Variants in ABR observed in about 807,000 individuals in gnomAD.
ABR encodes the protein ABR activator of RhoGEF and GTPase.
A neutral mutation model predicts 107.2 loss-of-function variants in ABR; 35 were observed. That is an observed-to-expected ratio of 0.33 (90% CI 0.25 to 0.43). ABR has a LOEUF of 0.43. ABR is among the 20% of genes least tolerant of loss of function. The probability of loss-of-function intolerance (pLI) is 1.00; values close to 1 mark genes in which losing one functional copy is unlikely to be tolerated. For synonymous variants in ABR, 498 were observed against 462.0 expected, an observed-to-expected ratio of 1.08 and a Z score of -1.00; for missense variants, 815 against 1,115.2, an observed-to-expected ratio of 0.73 and a Z score of 3.83.
chr17:1,139,376 C>G (rs191010484), intron 1 of ABR, among the ~76,000 whole-genome samples: 1 of 152,106 alleles, frequency 6.6e-6, no homozygotes, highest in Admixed American at 6.6e-5. Flanking sequence ...CTCAGCCTCC[C>G]GAGTAGCTGG....
At chr17:1,155,668 G>A (rs1051845974) in intron 1 of ABR, among the ~76,000 whole-genome samples, 3 of 152,086 alleles carry the variant, frequency 2.0e-5, no homozygotes, top group African/African-American at 7.2e-5. Flanking sequence ...ACAACTCAAC[G>A]ATAAAAAGAC....
chr17:1,212,502 C>A (rs970228812), intron 1 of ABR, among the ~76,000 whole-genome samples: 3 of 152,140 alleles, frequency 2.0e-5, no homozygotes, highest in African/African-American at 7.2e-5. Context: ...CACCTGTAAT[C>A]CCAGCACTCT....
At chr17:1,059,000 G>A in intron 10 of ABR, 133 bp from the exon 11 acceptor site, 1 of 1,359,850 alleles carries the variant, frequency 7.4e-7, no homozygotes, top group Non-Finnish European at 1.0e-6. Context: ...TTGACATCTT[G>A]TGGCAGGAGA....
In ABR at chr17:1,154,660, AC is replaced by A; in HGVS notation, c.61+25006del. 8.8e-6 allele frequency: 1 copy of A among 113,606 alleles called. No individual in the cohort carries two copies. The highest frequency in any genetic ancestry group is 2.6e-4 in the East Asian group (1 of 3,846). The allele number at this position is 113,606 out of a possible 1,614,324, so 7.0% of individuals were successfully genotyped here. A position where few individuals can be genotyped will look rare whatever the true frequency, so the allele number is the denominator to read the frequency against. ...GTCACCTCGTCCTGCCTGCCCGCCC[AC>A]CCCCCACACACTGCGGACACAGGGA... On this transcript the variant is annotated intron_variant, in intron 1 of 22. Transcript: ENST00000302538. This position sits in a 1 kb window ranked among gnomAD's most constrained non-coding sequence, Gnocchi z 4.0.
intron 1 of ABR, among the ~76,000 whole-genome samples, chr17:1,160,800 C>A (rs1264023108): frequency 1.3e-5 from 2 of 152,344 alleles, no homozygotes; most frequent in Middle Eastern, 6.8e-3. Flanking sequence ...CGTGGCGCAT[C>A]TGAGAACCTA....
rs570973024 is a variant in ABR, at chr17:1,099,644, A to G, written c.345+993T>C. Among the ~76,000 whole-genome samples, 148 of 152,350 alleles carry G rather than the reference A, an allele frequency of 9.7e-4. 1 individual carries two copies. The highest frequency in any genetic ancestry group is 3.4e-3 in the African/African-American group (141 of 41,572). On this transcript the variant is annotated intron_variant, in intron 3 of 22. Transcript: ENST00000302538. ...ATCACTCTGCATAACATCCAGACAC[A>G]TCTAAGGAGCACTTTCTTCCAAGGC...
At chr17:1,116,737 C>CA (rs2039006265) in intron 2 of ABR, among the ~76,000 whole-genome samples, 1 of 152,002 alleles carries the variant, frequency 6.6e-6, no homozygotes, top group African/African-American at 2.4e-5. Context: ...ATCTACTAAA[C>CA]GGGGGCAGCC....
chr17:1,209,175 GA>G (rs2042855737), intron 1 of ABR, among the ~76,000 whole-genome samples: 1 of 152,038 alleles, frequency 6.6e-6, no homozygotes, highest in African/African-American at 2.4e-5. Context: ...TGGGAGCCTG[GA>G]ACTTACAGTC....
upstream of ABR, among the ~76,000 whole-genome samples, chr17:1,184,175 G>A (rs117455917): frequency 0.035 from 5,130 of 145,334 alleles, 125 homozygotes; most frequent in East Asian, 0.14. Context: ...AAAAGCCAGA[G>A]CCGGGCACAG....
At chr17:1,118,171 G>T (rs201368249) in intron 2 of ABR, among the ~76,000 whole-genome samples, 1 of 54,058 alleles carries the variant, frequency 1.8e-5, no homozygotes, top group Non-Finnish European at 3.6e-5. Context: ...TCCTCCCAGC[G>T]TTATCCCTGA....
rs1189300355 is a variant in ABR at position 1,050,711 on chromosome 17, G to C, written c.1562-77C>G. On this transcript the variant is annotated intron_variant, in intron 14 of 22. Transcript: ENST00000302538. This position sits in a 1 kb window ranked among gnomAD's most constrained non-coding sequence, Gnocchi z 4.6. ...CAGCTGGGGCGGCACTCAGGATGGA[G>C]GGGGACATCGCATCTGTCCTTTCCA... 2 of 1,151,412 alleles carry C rather than the reference G, an allele frequency of 1.7e-6. No individual in the cohort carries two copies. Among genetic ancestry groups the C allele is most frequent in the African/African-American group, 3.0e-5 (2 of 65,882 alleles). The allele number at this position is 1,151,412 out of a possible 1,614,324, so 71.3% of individuals were successfully genotyped here.
intron 1 of ABR, among the ~76,000 whole-genome samples, chr17:1,216,843 G>A (rs576747670): frequency 1.3e-5 from 2 of 152,268 alleles, no homozygotes; most frequent in African/African-American, 4.8e-5. Flanking sequence ...CGTGCTCACT[G>A]CCAGCCCACA....
chr17:1,194,948 G>A (rs2042522037), intron 1 of ABR, among the ~76,000 whole-genome samples: 2 of 144,110 alleles, frequency 1.4e-5, no homozygotes, highest in South Asian at 2.4e-4. Flanking sequence ...CACCGCGCCC[G>A]ACCCTAATTT....
chr17:1,025,119 C>CAAAAAAAAAAAAAA (rs71272843), intron 16 of ABR, among the ~76,000 whole-genome samples: 43 of 37,652 alleles, frequency 1.1e-3, no homozygotes, highest in South Asian at 3.4e-3. Flanking sequence ...GACTCCGTCT[C>CAAAAAAAAAAAAAA]AAAAAAAAAA....
chr17:1,046,196 G>T (rs1320488423), intron 16 of ABR, among the ~76,000 whole-genome samples: 1 of 94,790 alleles, frequency 1.1e-5, no homozygotes, highest in Non-Finnish European at 2.8e-5. Context: ...AGTAGAGACG[G>T]GGTTTCGCCA....
At chr17:1,020,820 C>T (rs1465023822) in intron 16 of ABR, among the ~76,000 whole-genome samples, 1 of 152,174 alleles carries the variant, frequency 6.6e-6, no homozygotes, top group Non-Finnish European at 1.5e-5. Context: ...CCTCTCGGCT[C>T]ACCTCTCACC....
chr17:1,108,745 G>A (rs1453479824), intron 2 of ABR, among the ~76,000 whole-genome samples: 1 of 152,160 alleles, frequency 6.6e-6, no homozygotes, highest in African/African-American at 2.4e-5. Context: ...GGCCACCACT[G>A]CCCCGAGGAC....
At chr17:1,089,363 A>G (rs1041179993) in intron 4 of ABR, among the ~76,000 whole-genome samples, 4 of 152,288 alleles carry the variant, frequency 2.6e-5, no homozygotes, top group Admixed American at 1.3e-4. Flanking sequence ...TAACTCCTCA[A>G]AATCACCCAA....
chr17:1,047,072 G>T (rs1029819409), intron 16 of ABR, among the ~76,000 whole-genome samples: 1 of 152,202 alleles, frequency 6.6e-6, no homozygotes, highest in African/African-American at 2.4e-5. Flanking sequence ...CGCTTAGGCC[G>T]TAGGGCCCCT....
Sources: allele counts gnomAD v4.1 joint callset (sites outside exome capture counted in the v4.1 genomes callset), GRCh38; gene constraint gnomAD v4.1.1; non-coding constraint Gnocchi (gnomAD v3.1); transcripts MANE v1.5; gene names NCBI Gene and HGNC (gene_info 2026-07-23, HGNC 2026-07-21).